The following SIRT3 variants were observed in gnomAD, a reference collection of about 807,000 sequenced individuals.
The protein encoded by SIRT3 is NAD-dependent protein deacetylase sirtuin-3, mitochondrial.
In SIRT3, 26 loss-of-function variants were observed where a neutral mutation model predicts 33.5. That is an observed-to-expected ratio of 0.78 (90% confidence interval 0.57 to 1.08). The LOEUF (loss-of-function observed/expected upper bound fraction) is 1.08. Among genes scored for constraint, SIRT3 ranks in the 50% least tolerant of loss-of-function variants. The probability of loss-of-function intolerance (pLI) is 0.00; values close to 1 mark genes in which losing one functional copy is unlikely to be tolerated. For synonymous variants in SIRT3, 237 were observed against 222.1 expected (o/e 1.07, Z -0.60); for missense variants, 585 against 530.1 (o/e 1.10, Z -1.02).
At chr11:221,895 C>CA (rs1361798766) in intron 5 of SIRT3, among the ~76,000 whole-genome samples, 6 of 108,804 alleles carry the variant, frequency 5.5e-5, no homozygotes, top group Admixed American at 4.6e-4. Flanking sequence ...TGCATTTGTA[C>CA]AAAAAAAAGA....
chr11:224,750 TAAC>T (rs1856928972), intron 4 of SIRT3, among the ~76,000 whole-genome samples: 1 of 152,158 alleles, frequency 6.6e-6, no homozygotes, highest in South Asian at 2.1e-4. Context: ...TTATTAGGAG[TAAC>T]AACATCTGCC....
chr11:229,401 C>T (rs950662615), intron 4 of SIRT3, among the ~76,000 whole-genome samples: 5 of 152,100 alleles, frequency 3.3e-5, no homozygotes, highest in Middle Eastern at 6.8e-3. Flanking sequence ...GCCGAGATTG[C>T]GCCACTGCAC....
At chr11:236,398 C>A, upstream of SIRT3, 1 of 1,103,424 alleles carries the variant, frequency 9.1e-7, no homozygotes, top group Non-Finnish European at 1.1e-6. Context: ...CTCCGCCTCC[C>A]ACCCCCGCCC....
At chr11:227,424 C>A (rs1857329148) in intron 4 of SIRT3, among the ~76,000 whole-genome samples, 1 of 151,058 alleles carries the variant, frequency 6.6e-6, no homozygotes, top group Non-Finnish European at 1.5e-5. Flanking sequence ...GGCAACAGAG[C>A]AAGACTCTAT....
chr11:216,762 C>T lies in SIRT3; in HGVS notation c.1180-44G>A, dbSNP rs374015022. The stretch of plus-strand genomic sequence containing the variant: ...AGGGTATCAGCTATCTGTTTACACA[C>T]CCAGGCAGGCCAGCAGATCTCTGTT... On this transcript the variant is annotated intron_variant, in intron 6 of 6. Transcript: ENST00000382743. The T allele has an allele frequency of 3.1e-6, 5 of 1,608,128 alleles. No homozygotes were observed. The African/African-American group carries it at 4.0e-5, about 13-fold the overall frequency.
chr11:231,278 T>A lies in SIRT3; in HGVS notation c.707-726A>T, dbSNP rs890363524. Among the ~76,000 whole-genome samples, 11 of 152,138 alleles carry A rather than the reference T, an allele frequency of 7.2e-5. No individual in the cohort carries two copies. In the South Asian group the frequency reaches 8.3e-4, roughly 12 times the overall value. ...ACATAGTGAGACTTGTCTTAAAAAA[T>A]TTTTTTAATTAGCCAGGCATGGTAG... On this transcript the variant is annotated intron_variant, in intron 3 of 6. Transcript: ENST00000382743.
intron 5 of SIRT3, among the ~76,000 whole-genome samples, chr11:221,149 C>A (rs1419904109): frequency 2.6e-5 from 4 of 152,248 alleles, no homozygotes; most frequent in African/African-American, 9.6e-5. Context: ...CACGGGATCT[C>A]ATTCTGTTAC....
intron 6 of SIRT3, among the ~76,000 whole-genome samples, chr11:218,454 G>A (rs1404427295): frequency 2.0e-5 from 3 of 152,306 alleles, no homozygotes; most frequent in South Asian, 2.1e-4. Context: ...CCACATAGAT[G>A]CAGAGAACTT....
In SIRT3 at chr11:228,101, G is replaced by C. The variant is rs531601454; in HGVS notation, c.807+2351C>G. On this transcript the variant is annotated intron_variant, in intron 4 of 6. Coordinates refer to ENST00000382743, the MANE Select transcript of SIRT3 (RefSeq NM_012239.6). ...ACATCCAGACGGCCTCATCTCAAAG[G>C]TGCTTCCCAGCCTACTCTGTTCCTA... Among the ~76,000 whole-genome samples the C allele has an allele frequency of 5.3e-5, 8 of 152,242 alleles. No homozygotes were observed. The South Asian group carries it at 1.5e-3, about 28-fold the overall frequency.
At chr11:228,824 C>T (rs950485780) in intron 4 of SIRT3, among the ~76,000 whole-genome samples, 1 of 152,130 alleles carries the variant, frequency 6.6e-6, no homozygotes, top group Non-Finnish European at 1.5e-5. Context: ...AAAATATTTG[C>T]AAATCATGTC....
At chr11:231,971 T>TA (rs1491520117) in intron 3 of SIRT3, among the ~76,000 whole-genome samples, 22,537 of 151,846 alleles carry the variant, frequency 0.15, 1,798 homozygotes, top group South Asian at 0.34. Flanking sequence ...GGCCAGAAGT[T>TA]GGCACAACCT....
At chr11:235,527 G>A (rs965655503) in intron 1 of SIRT3, among the ~76,000 whole-genome samples, 1 of 152,220 alleles carries the variant, frequency 6.6e-6, no homozygotes, top group Non-Finnish European at 1.5e-5. Context: ...AACATTTTCA[G>A]CAGTTGTGTC....
At chr11:236,460 T>TCCCGCCTCCGCGC (rs1384703901), upstream of SIRT3, 2 of 501,640 alleles carry the variant, frequency 4.0e-6, no homozygotes, top group Non-Finnish European at 4.9e-6. Flanking sequence ...GGCGCCCCGG[T>TCCCGCCTCCGCGC]CCCGCCTCCG....
intron 3 of SIRT3, among the ~76,000 whole-genome samples, chr11:231,473 T>C (rs1424944784): frequency 6.6e-6 from 1 of 152,178 alleles, no homozygotes; most frequent in Non-Finnish European, 1.5e-5. Flanking sequence ...ATATCTTCTA[T>C]TCTACAGATA....
Position 218,915 on chromosome 11 carries a change from C to G in SIRT3, c.1096G>C (p.Val366Leu), listed in dbSNP as rs907682812. ...ACTAGGCTTTCCACGCCGTGAACCA[C>G]GTCCCCCAGCTGGGCCACGTCCCTG... ...RSRDVAQLGDVVHGVESLVEL... is the reference protein window; with the variant it reads ...RSRDVAQLGDLVHGVESLVEL... Residue 366 changes from valine to leucine, a missense_variant, in exon 6 of 7, where the codon GTG (valine) becomes CTG (leucine). Coordinates refer to ENST00000382743, the MANE Select transcript of SIRT3 (RefSeq NM_012239.6). 6.2e-7 allele frequency: 1 copy of G among 1,614,186 alleles called. No homozygotes were observed. The highest frequency in any genetic ancestry group is 1.1e-5 in the South Asian group (1 of 91,082).
At position 223,689 on chromosome 11, in the gene SIRT3, T is replaced by G; in HGVS notation, c.969+389A>C. On this transcript the variant is annotated intron_variant, in intron 5 of 6. Transcript: ENST00000382743. This position sits in a 1 kb window ranked among gnomAD's most constrained non-coding sequence, Gnocchi z 4.8. ...TATACCACCTCCAAAGCCCAGCAGC[T>G]TCCCACCTTCCTGTCTCCTGCACAG... The G allele has an allele frequency of 1.6e-6, 1 of 629,600 alleles. No individual in the cohort carries two copies. Among genetic ancestry groups the G allele is most frequent in the Non-Finnish European group, 2.9e-6 (1 of 345,362 alleles). 39.0% of individuals were successfully genotyped at this position (629,600 alleles called of 1,614,324 possible).
In SIRT3 at chr11:236,211, G is replaced by A. The variant is rs199833773; in HGVS notation, c.118C>T (p.Leu40Phe). The A allele has an allele frequency of 1.3e-5, 20 of 1,559,434 alleles. No individual in the cohort carries two copies. The highest frequency in any genetic ancestry group is 1.3e-5 in the Non-Finnish European group (15 of 1,156,012). The part of the protein sequence containing the change: ...PFQACGCRLV[L>F]GGRDDVSAGL... Reference sequence around the variant, plus strand: ...GCACTCACATCGTCCCTGCCGCCAAGCACCAGCCGACAGCCGCAGGCCTGA... The same window carrying A: ...GCACTCACATCGTCCCTGCCGCCAAACACCAGCCGACAGCCGCAGGCCTGA... Residue 40 changes from leucine (L) to phenylalanine (F), a missense_variant, in exon 1 of 7, where the codon CTT (leucine) becomes TTT (phenylalanine). Coordinates refer to ENST00000382743, the MANE Select transcript of SIRT3 (RefSeq NM_012239.6).
rs201380921 is a variant in SIRT3 at position 233,044 on chromosome 11, C to T, written c.645G>A (p.Leu215=). 16 of 1,614,034 alleles carry T rather than the reference C, an allele frequency of 9.9e-6. No homozygotes were observed. The highest frequency in any genetic ancestry group is 8.3e-5 in the Admixed American group (5 of 60,000). The change falls in exon 3 of 7, where the codon CTG becomes CTA. Residue 215 remains leucine (L), a synonymous_variant. Transcript: ENST00000382743. ...KPNVTHYFLR[L]LHDKGLLLRL... is the part of the protein sequence containing the mutation. ...GCAGAAGCAGCCCCTTGTCATGAAG[C>T]AGCCGGAGAAAGTAGTGAGTGACGT...
In SIRT3 at chr11:233,235, G is replaced by C. The variant is rs1344353422; in HGVS notation, c.474-20C>G. On this transcript the variant is annotated intron_variant, in intron 2 of 6. Transcript: ENST00000382743. ...GGCGATCTGCAGGGAGAGAAGAAAG[G>C]CTCTGAGGCCTTTGGAAGAGGACAG... 6.2e-7 allele frequency: 1 copy of C among 1,610,084 alleles called. No homozygotes were observed. The highest frequency in any genetic ancestry group is 1.1e-5 in the South Asian group (1 of 90,834).
Sources: allele counts gnomAD v4.1 joint callset (sites outside exome capture counted in the v4.1 genomes callset), GRCh38; gene constraint gnomAD v4.1.1; non-coding constraint Gnocchi (gnomAD v3.1); transcripts MANE v1.5; gene names NCBI Gene and HGNC (gene_info 2026-07-23, HGNC 2026-07-21).